Variants in NTM observed in about 807,000 individuals in gnomAD.
NTM encodes neurotrimin, also known as IgLON family member 2.
In NTM, 13 loss-of-function variants were observed where a neutral mutation model predicts 42.1. The observed-to-expected ratio is 0.31, with a 90% confidence interval of 0.20 to 0.49. The LOEUF (loss-of-function observed/expected upper bound fraction) is 0.49, where lower values mean the gene tolerates loss of function less well. NTM is among the 20% of genes least tolerant of loss of function. The probability of loss-of-function intolerance (pLI) is 0.99; values close to 1 mark genes in which losing one functional copy is unlikely to be tolerated. For missense variants in NTM, 373 were observed against 452.8 expected (o/e 0.82, Z 1.60); for synonymous variants, 187 against 179.2 (o/e 1.04, Z -0.35).
intron 1 of NTM, among the ~76,000 whole-genome samples, chr11:131,717,049 C>G (rs1565462165): frequency 6.6e-6 from 1 of 152,056 alleles, no homozygotes; most frequent in Admixed American, 6.6e-5. Flanking sequence ...TTATGTTTCC[C>G]AGGAGTTTCT....
chr11:131,649,077 A>T (rs1408979147), intron 1 of NTM, among the ~76,000 whole-genome samples: 2 of 152,176 alleles, frequency 1.3e-5, no homozygotes, highest in African/African-American at 2.4e-5. Flanking sequence ...GCACGGGGGA[A>T]GGTTGGTCAC....
chr11:131,624,002 A>G (rs2062843663), intron 1 of NTM, among the ~76,000 whole-genome samples: 3 of 152,092 alleles, frequency 2.0e-5, no homozygotes, highest in Admixed American at 2.0e-4. Context: ...AAAGGCTCTT[A>G]ATTCTTTCTG....
At chr11:132,079,028 G>A (rs1025455647) in intron 2 of NTM, among the ~76,000 whole-genome samples, 1 of 152,146 alleles carries the variant, frequency 6.6e-6, no homozygotes, top group African/African-American at 2.4e-5. Flanking sequence ...TCATGGGGTC[G>A]ACCCAGTGGC....
chr11:132,300,818 G>C (rs377745204), intron 4 of NTM, among the ~76,000 whole-genome samples: 1 of 152,142 alleles, frequency 6.6e-6, no homozygotes, highest in African/African-American at 2.4e-5. Context: ...TCCCTGTTAC[G>C]TGCTTAAATA....
rs960254474 is a variant in NTM, at chr11:131,845,493, TCC to T, written c.83-66067_83-66066del. Among the ~76,000 whole-genome samples the T allele has an allele frequency of 9.9e-5, 15 of 151,892 alleles. No homozygotes were observed. In the South Asian group the frequency reaches 1.7e-3, roughly 17 times the overall value. ...CCCAGAAATGCAGAGTCTCAGGCCC[TCC>T]CCCAGCCCTACTAAACCAGAATCTA... On this transcript the variant is annotated intron_variant, in intron 1 of 8. Coordinates refer to ENST00000683400, the MANE Select transcript of NTM (RefSeq NM_001352005.2).
intron 1 of NTM, chr11:131,535,159 A>T (rs533540829): frequency 6.6e-6 from 1 of 152,232 alleles, no homozygotes; most frequent in African/African-American, 2.4e-5. Context: ...CAGCCAAAGG[A>T]CGATGGGCCC....
intron 2 of NTM, among the ~76,000 whole-genome samples, chr11:132,019,820 C>CTTTAT (rs1046678046): frequency 6.6e-6 from 1 of 151,178 alleles, no homozygotes; most frequent in African/African-American, 2.4e-5. Context: ...CAATCTTTGC[C>CTTTAT]TTTATTTTAT....
intron 1 of NTM, among the ~76,000 whole-genome samples, chr11:131,850,993 G>A (rs944419572): frequency 2.6e-5 from 4 of 152,072 alleles, no homozygotes; most frequent in African/African-American, 9.7e-5. Context: ...TCCTACCACT[G>A]CCGTGTTGAT....
At chr11:131,710,552 T>C (rs1170961594) in intron 1 of NTM, among the ~76,000 whole-genome samples, 1 of 152,208 alleles carries the variant, frequency 6.6e-6, no homozygotes, top group Admixed American at 6.5e-5. Context: ...TCATGATATC[T>C]ACTCAAACAT....
chr11:131,374,190 T>A (rs996366675), intron 1 of NTM, among the ~76,000 whole-genome samples: 17 of 152,230 alleles, frequency 1.1e-4, no homozygotes, highest in African/African-American at 4.1e-4. Flanking sequence ...GAATGGAACC[T>A]GCCTGCCAGG....
At chr11:131,775,993 C>T (rs990803359) in intron 1 of NTM, among the ~76,000 whole-genome samples, 1 of 152,180 alleles carries the variant, frequency 6.6e-6, no homozygotes, top group South Asian at 2.1e-4. Context: ...GGCCAGGAAA[C>T]TCAACAGAAG....
intron 1 of NTM, among the ~76,000 whole-genome samples, chr11:131,780,360 T>C (rs1309564113): frequency 6.6e-6 from 1 of 152,116 alleles, no homozygotes; most frequent in African/African-American, 2.4e-5. Flanking sequence ...TGAGGGACAA[T>C]GGCTTATTTA....
In NTM at chr11:132,030,249, C is replaced by T. The variant is rs1318924584; in HGVS notation, c.168-116033C>T. On this transcript the variant is annotated intron_variant, in intron 2 of 8. Coordinates refer to ENST00000683400, the MANE Select transcript of NTM (RefSeq NM_001352005.2). Reference sequence around the variant, plus strand: ...AAAACCCCTACCCCACCTACTCCACCTAAAATAAAATTAAATTTATTAATT... The same window carrying T: ...AAAACCCCTACCCCACCTACTCCACTTAAAATAAAATTAAATTTATTAATT... Among the ~76,000 whole-genome samples the T allele has an allele frequency of 1.3e-5, 2 of 152,042 alleles. 1 individual carries two copies. The highest frequency in any genetic ancestry group is 3.9e-4 in the East Asian group (2 of 5,178).
intron 1 of NTM, among the ~76,000 whole-genome samples, chr11:131,726,020 T>C (rs1041637478): frequency 7.2e-5 from 11 of 151,986 alleles, no homozygotes; most frequent in African/African-American, 2.7e-4. Flanking sequence ...AGAGAAACAA[T>C]AGGAAGCAAA....
At chr11:131,545,509 C>T (rs894283254) in intron 1 of NTM, among the ~76,000 whole-genome samples, 2 of 152,224 alleles carry the variant, frequency 1.3e-5, no homozygotes, top group Admixed American at 1.3e-4. Context: ...TCTATCCATC[C>T]ACCCATTTAT....
intron 2 of NTM, among the ~76,000 whole-genome samples, chr11:132,136,166 G>A (rs953416659): frequency 3.9e-5 from 6 of 152,160 alleles, no homozygotes; most frequent in African/African-American, 1.2e-4. Context: ...CCTGCAGTGT[G>A]TATTGCATGT....
chr11:131,887,470 G>A (rs1020999672), intron 1 of NTM, among the ~76,000 whole-genome samples: 2 of 152,120 alleles, frequency 1.3e-5, no homozygotes, highest in African/African-American at 4.8e-5. Context: ...TTTTCACTGT[G>A]TCTTACCAAA....
In NTM at chr11:131,660,712, A is replaced by AC. The variant is rs2067915351; in HGVS notation, c.83-250851dup. The AC allele has an allele frequency of 1.4e-5, 6 of 431,634 alleles. 1 individual carries two copies. Among genetic ancestry groups the AC allele is most frequent in the South Asian group, 1.2e-4 (6 of 50,708 alleles). The allele number at this position is 431,634 out of a possible 1,614,324, so 26.7% of individuals were successfully genotyped here. A position where few individuals can be genotyped will look rare whatever the true frequency, so the allele number is the denominator to read the frequency against. On this transcript the variant is annotated intron_variant, in intron 1 of 8. Transcript: ENST00000683400. ...TGTGGGGCTAGGGTGGTGAAGAGGG[A>AC]CGGAGGAGGCAAAGAAACAAAAGGA...
chr11:131,657,218 C>G (rs1592392982), intron 1 of NTM, among the ~76,000 whole-genome samples: 1 of 151,750 alleles, frequency 6.6e-6, no homozygotes, highest in African/African-American at 2.4e-5. Context: ...GCATCAAGCG[C>G]TGGCCCAGTC....
Sources: gnomAD v4.1 joint callset for allele counts (sites outside exome capture counted in the v4.1 genomes callset) on GRCh38, gnomAD v4.1.1 for gene constraint, MANE v1.5 for transcripts, NCBI Gene and HGNC (gene_info 2026-07-23, HGNC 2026-07-21) for gene names.